The following ROR1 variants were observed in gnomAD, a reference collection of about 807,000 sequenced individuals.
ROR1 encodes ROR family WNT receptor 1.
In ROR1, 19 loss-of-function variants were observed where a neutral mutation model predicts 78.8. The observed-to-expected ratio is 0.24, with a 90% CI of 0.17 to 0.35. The LOEUF is 0.35. ROR1 is among the 10% of genes least tolerant of loss of function. The probability of loss-of-function intolerance (pLI) is 1.00; values close to 1 mark genes in which losing one functional copy is unlikely to be tolerated. For missense variants in ROR1, 917 were observed against 1,177.8 expected (o/e 0.78, Z 3.24); for synonymous variants, 386 against 433.6 (o/e 0.89, Z 1.36).
At chr1:63,908,175 A>C (rs1569892452) in intron 1 of ROR1, among the ~76,000 whole-genome samples, 1 of 152,334 alleles carries the variant, frequency 6.6e-6, no homozygotes, top group East Asian at 1.9e-4. Context: ...TCATATAGCC[A>C]AGAGTTGTCG....
chr1:63,991,852 T>G (rs950169017), intron 1 of ROR1, among the ~76,000 whole-genome samples: 1 of 152,216 alleles, frequency 6.6e-6, no homozygotes. Context: ...CTAATGTGGT[T>G]GTCATGAAAT....
intron 1 of ROR1, among the ~76,000 whole-genome samples, chr1:63,949,160 C>T (rs1452162401): frequency 6.6e-6 from 1 of 152,084 alleles, no homozygotes; most frequent in Admixed American, 6.6e-5. Flanking sequence ...GGAGTGAGTG[C>T]TTGCACAGAA....
At chr1:64,086,727 C>CT (rs1286285339) in intron 4 of ROR1, among the ~76,000 whole-genome samples, 2 of 152,214 alleles carry the variant, frequency 1.3e-5, no homozygotes, top group South Asian at 2.1e-4. Flanking sequence ...TAAATAAGTG[C>CT]TTTTTTTCTC....
intron 1 of ROR1, among the ~76,000 whole-genome samples, chr1:63,897,790 T>A (rs910709116): frequency 6.6e-6 from 1 of 152,224 alleles, no homozygotes; most frequent in African/African-American, 2.4e-5. Context: ...TAACTGATAA[T>A]CCTTGGTAAC....
At chr1:63,989,428 T>G (rs1646277551) in intron 1 of ROR1, among the ~76,000 whole-genome samples, 1 of 152,176 alleles carries the variant, frequency 6.6e-6, no homozygotes, top group South Asian at 2.1e-4. Context: ...CTCTCGTTTT[T>G]TTCGTGGTCA....
chr1:64,014,773 T>C (rs113647632), intron 2 of ROR1, among the ~76,000 whole-genome samples: 10,303 of 46,992 alleles, frequency 0.22, 2,821 homozygotes, highest in Middle Eastern at 0.41. Flanking sequence ...TATATATATA[T>C]ACACATTTTG....
chr1:63,868,231 T>A (rs1392201514), intron 1 of ROR1, among the ~76,000 whole-genome samples: 2 of 152,194 alleles, frequency 1.3e-5, no homozygotes, highest in Non-Finnish European at 2.9e-5. Flanking sequence ...TTATCACTCA[T>A]TAAACAAGTG....
intron 1 of ROR1, among the ~76,000 whole-genome samples, chr1:63,922,989 T>C (rs1645669463): frequency 6.6e-6 from 1 of 152,170 alleles, no homozygotes; most frequent in South Asian, 2.1e-4. Flanking sequence ...CTAATGATAG[T>C]AATAATGAAA....
At chr1:63,784,463 G>A (rs1644671709) in intron 1 of ROR1, among the ~76,000 whole-genome samples, 1 of 152,202 alleles carries the variant, frequency 6.6e-6, no homozygotes, top group East Asian at 1.9e-4. Flanking sequence ...TCAAATAGCT[G>A]TTGTCTTTAG....
intron 1 of ROR1, among the ~76,000 whole-genome samples, chr1:63,981,717 T>C (rs77037867): frequency 0.025 from 3,856 of 152,110 alleles, 168 homozygotes; most frequent in African/African-American, 0.088. Flanking sequence ...AGAAGAAGGA[T>C]GGCCTGGCCT....
intron 1 of ROR1, among the ~76,000 whole-genome samples, chr1:63,888,984 G>A (rs1282402754): frequency 6.6e-6 from 1 of 152,134 alleles, no homozygotes; most frequent in Non-Finnish European, 1.5e-5. Flanking sequence ...TGGCTGAGTG[G>A]TTCATGAGAT....
chr1:63,899,741 A>G (rs994961482), intron 1 of ROR1, among the ~76,000 whole-genome samples: 1 of 151,826 alleles, frequency 6.6e-6, no homozygotes, highest in Non-Finnish European at 1.5e-5. Flanking sequence ...TGCTCTCTGT[A>G]TAGATTCCTC....
chr1:64,125,809 G>A (rs1648693311), intron 4 of ROR1, among the ~76,000 whole-genome samples: 3 of 152,186 alleles, frequency 2.0e-5, no homozygotes, highest in Non-Finnish European at 4.4e-5. Context: ...GGAGGTCTGT[G>A]TAGCCATAGC....
At chr1:64,014,982 T>C (rs958737946) in intron 2 of ROR1, among the ~76,000 whole-genome samples, 1 of 150,592 alleles carries the variant, frequency 6.6e-6, no homozygotes, top group East Asian at 2.0e-4. Flanking sequence ...TACCCGAGAC[T>C]GGGAAGAAAA....
At chr1:64,146,354 T>C (rs1281746053) in intron 7 of ROR1, among the ~76,000 whole-genome samples, 2 of 152,164 alleles carry the variant, frequency 1.3e-5, no homozygotes, top group East Asian at 3.9e-4. Context: ...CATGCACCTG[T>C]AATCCCAGCT....
intron 1 of ROR1, among the ~76,000 whole-genome samples, chr1:63,987,714 G>A (rs888708493): frequency 2.0e-5 from 3 of 152,118 alleles, no homozygotes; most frequent in African/African-American, 4.8e-5. Flanking sequence ...CACTTGGCTG[G>A]AGCAACTACC....
At chr1:63,852,701 A>G (rs140769621) in intron 1 of ROR1, among the ~76,000 whole-genome samples, 18 of 152,350 alleles carry the variant, frequency 1.2e-4, no homozygotes, top group African/African-American at 4.1e-4. Flanking sequence ...AATGAAACAG[A>G]TCATTTTCAC....
intron 1 of ROR1, among the ~76,000 whole-genome samples, chr1:63,867,400 G>T (rs919637188): frequency 1.3e-5 from 2 of 151,900 alleles, no homozygotes; most frequent in African/African-American, 4.8e-5. Context: ...TGGAGATGGC[G>T]AGCCCAGTTT....
intron 1 of ROR1, among the ~76,000 whole-genome samples, chr1:63,925,147 A>G (rs1314758503): frequency 3.4e-5 from 5 of 148,214 alleles, no homozygotes; most frequent in East Asian, 2.0e-4. Context: ...ATATCTCCCA[A>G]TGCTATCCCT....
Sources: gnomAD v4.1 joint callset for allele counts (sites outside exome capture counted in the v4.1 genomes callset) on GRCh38, gnomAD v4.1.1 for gene constraint, MANE v1.5 for transcripts, NCBI Gene and HGNC (gene_info 2026-07-23, HGNC 2026-07-21) for gene names.